The following SLC30A6 variants were observed in gnomAD, a reference collection of about 807,000 sequenced individuals.
SLC30A6 encodes solute carrier family 30 member 6.
Under a neutral mutation model 63.0 loss-of-function variants are expected in SLC30A6, and 55 were observed. The observed-to-expected ratio is 0.87, with a 90% CI of 0.70 to 1.09. The LOEUF is 1.09. SLC30A6 is among the 50% of genes least tolerant of loss of function. The pLI is 0.00. For synonymous variants in SLC30A6, 224 were observed against 186.1 expected (o/e 1.20, Z -1.66); for missense variants, 587 against 549.2 (o/e 1.07, Z -0.69).
chr2:32,208,236 T>G (rs1684952438), intron 12 of SLC30A6, among the ~76,000 whole-genome samples: 1 of 151,726 alleles, frequency 6.6e-6, no homozygotes, highest in Middle Eastern at 3.2e-3. Context: ...GTTCAAGCGA[T>G]TCTCCTGCTT....
At chr2:32,209,438 G>T in intron 12 of SLC30A6, 55 bp from the exon 13 acceptor site, 1 of 1,383,854 alleles carries the variant, frequency 7.2e-7, no homozygotes, top group South Asian at 1.2e-5. Context: ...TGACTAAACT[G>T]CATTGGATAT....
rs140106793 is a variant in SLC30A6, at chr2:32,169,511, G to A, written c.4-1776G>A. Among the ~76,000 whole-genome samples, 446 of 152,242 alleles carry A rather than the reference G, an allele frequency of 2.9e-3. 4 individuals are homozygous for A. Among genetic ancestry groups the A allele is most frequent in the African/African-American group, 0.01 (420 of 41,566 alleles). ...ATATATTTATTGGCTGGGTGCGGTG[G>A]CTCACGCCTGTAATCCCAGCACTTT... On this transcript the variant is annotated intron_variant, in intron 1 of 13. Coordinates refer to ENST00000282587, the MANE Select transcript of SLC30A6 (RefSeq NM_017964.5).
At position 32,175,344 on chromosome 2, in the gene SLC30A6, C is replaced by T. The variant is rs575734681; in HGVS notation, c.201C>T (p.Thr67=). The T allele has an allele frequency of 1.2e-6, 2 of 1,611,106 alleles. No individual in the cohort carries two copies. The highest frequency in any genetic ancestry group is 1.1e-5 in the South Asian group (1 of 90,776). ...CTTTAACTGCCTATACTTACCTGAC[C>T]ATTTTTGATCTTTTTAGGTAAGTTT... ...SIALTAYTYL[T]IFDLFSLMTC... Residue 67 remains threonine (T), a synonymous_variant, in exon 4 of 14, where the codon ACC becomes ACT. Coordinates refer to ENST00000282587, the MANE Select transcript of SLC30A6 (RefSeq NM_017964.5).
intron 5 of SLC30A6, 51 bp downstream of exon 5, chr2:32,184,389 A>G (rs1455464840): frequency 9.6e-7 from 1 of 1,044,426 alleles, no homozygotes; most frequent in East Asian, 2.8e-5. Context: ...CTAAAATATT[A>G]TTTATAGTAG....
intron 10 of SLC30A6, among the ~76,000 whole-genome samples, chr2:32,198,896 G>A (rs1684028289): frequency 6.6e-6 from 1 of 151,984 alleles, no homozygotes; most frequent in African/African-American, 2.4e-5. Flanking sequence ...GTACAATTTG[G>A]TGACATTGCA....
At chr2:32,199,328 C>T (rs1684063494) in intron 10 of SLC30A6, among the ~76,000 whole-genome samples, 1 of 152,154 alleles carries the variant, frequency 6.6e-6, no homozygotes, top group South Asian at 2.1e-4. Flanking sequence ...TATCTGAGTC[C>T]TTCCTTTCAG....
At position 32,184,349 on chromosome 2, in the gene SLC30A6, ATTATT is replaced by A; in HGVS notation, c.284+19_284+23del. The A allele has an allele frequency of 6.8e-7, 1 of 1,459,920 alleles. No homozygotes were observed. Among genetic ancestry groups the A allele is most frequent in the Non-Finnish European group, 9.2e-7 (1 of 1,083,332 alleles). The allele number at this position is 1,459,920 out of a possible 1,614,324, so 90.4% of individuals were successfully genotyped here. A position where few individuals can be genotyped will look rare whatever the true frequency, so the allele number is the denominator to read the frequency against. On this transcript the variant is annotated intron_variant, in intron 5 of 13. Transcript: ENST00000282587. ...TGTCTATTCATTTGGGTAAGTTCAA[ATTATT>A]TTATTTTCTGCTAACTTATGACTAC...
intron 7 of SLC30A6, among the ~76,000 whole-genome samples, chr2:32,193,528 A>G (rs1683523465): frequency 6.6e-6 from 1 of 152,234 alleles, no homozygotes; most frequent in African/African-American, 2.4e-5. Context: ...TCTCAACCAC[A>G]GAGCTGCCAA....
intron 1 of SLC30A6, among the ~76,000 whole-genome samples, chr2:32,171,069 A>C (rs1377907513): frequency 6.6e-6 from 1 of 152,204 alleles, no homozygotes; most frequent in African/African-American, 2.4e-5. Flanking sequence ...TAGCTCTGTG[A>C]CTTTGGATGA....
In SLC30A6 at chr2:32,220,817, G is replaced by T. The variant is rs1486926137; in HGVS notation, c.*104G>T. On this transcript the variant is annotated 3_prime_UTR_variant, in exon 14 of 14. Coordinates refer to ENST00000282587, the MANE Select transcript of SLC30A6 (RefSeq NM_017964.5). ...GTTTAATCATTTACTCTAAATGTTAGATAATAGTAGTCTTGTTCACATTTC... is the reference window on the plus strand; with the variant it reads ...GTTTAATCATTTACTCTAAATGTTATATAATAGTAGTCTTGTTCACATTTC... The T allele has an allele frequency of 5.7e-5, 57 of 1,003,778 alleles. No individual in the cohort carries two copies. Among genetic ancestry groups the T allele is most frequent in the Non-Finnish European group, 7.7e-5 (53 of 692,608 alleles). 62.2% of individuals were successfully genotyped at this position (1,003,778 alleles called of 1,614,324 possible). A position where few individuals can be genotyped will look rare whatever the true frequency, so the allele number is the denominator to read the frequency against.
Position 32,203,726 on chromosome 2 carries a change from G to A in SLC30A6, c.666-864G>A. 5 of 1,527,200 alleles carry A rather than the reference G, an allele frequency of 3.3e-6. No homozygotes were observed. In the South Asian group the frequency reaches 4.5e-5, roughly 14 times the overall value. The allele number at this position is 1,527,200 out of a possible 1,614,324, so 94.6% of individuals were successfully genotyped here. On this transcript the variant is annotated intron_variant, in intron 10 of 13. Transcript: ENST00000282587. ...GATGTTCCTACAACTAAGTCAGAAA[G>A]GTTACAGGCAGAGTGGCATGATTCC...
intron 4 of SLC30A6, among the ~76,000 whole-genome samples, chr2:32,183,200 T>G (rs543215275): frequency 6.6e-6 from 1 of 151,696 alleles, no homozygotes; most frequent in Admixed American, 6.6e-5. Context: ...AAAGAACATA[T>G]ATCAGTTCCT....
At chr2:32,171,180 T>A in intron 1 of SLC30A6, 107 bp from the exon 2 acceptor site, 1 of 808,482 alleles carries the variant, frequency 1.2e-6, no homozygotes, top group Non-Finnish European at 2.0e-6. Flanking sequence ...TATTGAGTAC[T>A]TAATAAATAT....
intron 10 of SLC30A6, chr2:32,202,095 CT>C: frequency 2.6e-6 from 2 of 763,952 alleles, no homozygotes; most frequent in South Asian, 3.3e-5. Context: ...TAGAGGAGAC[CT>C]TAACACATGA....
intron 4 of SLC30A6, among the ~76,000 whole-genome samples, chr2:32,176,598 C>T (rs1681765246): frequency 6.7e-6 from 1 of 148,754 alleles, no homozygotes; most frequent in African/African-American, 2.5e-5. Context: ...GCAGAGGTTG[C>T]AGTGAGCTGA....
chr2:32,186,410 G>T (rs1194728963), intron 5 of SLC30A6, among the ~76,000 whole-genome samples: 1 of 152,196 alleles, frequency 6.6e-6, no homozygotes, highest in Non-Finnish European at 1.5e-5. Flanking sequence ...TTGGGGCCTG[G>T]TGCGGTGGCT....
chr2:32,185,587 C>G (rs1254743404), intron 5 of SLC30A6, among the ~76,000 whole-genome samples: 1 of 151,526 alleles, frequency 6.6e-6, no homozygotes, highest in Non-Finnish European at 1.5e-5. Flanking sequence ...TTCATTGGGA[C>G]TATATTCTTT....
chr2:32,203,127 G>T (rs1453456694), intron 10 of SLC30A6: 6 of 1,296,296 alleles, frequency 4.6e-6, no homozygotes, highest in East Asian at 2.3e-5. Flanking sequence ...TAAAGTTTTG[G>T]TGGCAACCAA....
intron 2 of SLC30A6, among the ~76,000 whole-genome samples, chr2:32,172,305 T>TTTTCAA (rs1245827508): frequency 6.6e-6 from 1 of 152,180 alleles, no homozygotes; most frequent in Non-Finnish European, 1.5e-5. Flanking sequence ...TTTTCACTAT[T>TTTTCAA]TTTCAACTCC....
Sources: allele counts gnomAD v4.1 joint callset (sites outside exome capture counted in the v4.1 genomes callset), GRCh38; gene constraint gnomAD v4.1.1; transcripts MANE v1.5; gene names NCBI Gene and HGNC (gene_info 2026-07-23, HGNC 2026-07-21).